EFCAB6: variants seen among roughly 807,000 people sequenced by gnomAD.
EFCAB6 encodes EF-hand calcium binding domain 6.
In EFCAB6, 156 loss-of-function variants were observed where a neutral mutation model predicts 169.8. The ratio of observed to expected loss-of-function variants is 0.92; its 90% confidence interval spans 0.81 to 1.05. EFCAB6 has a LOEUF of 1.05. EFCAB6 is among the 50% of genes least tolerant of loss of function. EFCAB6 has a pLI of 0.00. For missense variants in EFCAB6, 1,800 were observed against 1,829.1 expected (o/e 0.98, Z 0.29); for synonymous variants, 698 against 676.4 (o/e 1.03, Z -0.50).
intron 17 of EFCAB6, among the ~76,000 whole-genome samples, chr22:43,639,675 G>A (rs2055667037): frequency 6.6e-6 from 1 of 151,910 alleles, no homozygotes; most frequent in African/African-American, 2.4e-5. Flanking sequence ...TCTATATTAG[G>A]GCTTTTCACC....
chr22:43,590,329 G>C lies in EFCAB6; in HGVS notation c.2877-100C>G. On this transcript the variant is annotated intron_variant, in intron 23 of 31. Transcript: ENST00000262726. ...ATTATTCTAATGCAATGAGCTGATG[G>C]CTCATCTAAGAACTAATTTTGAAGA... is the stretch of plus-strand genomic sequence containing the variant. 3 of 1,372,248 alleles carry C rather than the reference G, an allele frequency of 2.2e-6. No homozygotes were observed. In the South Asian group the frequency reaches 4.9e-5, roughly 22 times the overall value. The allele number at this position is 1,372,248 out of a possible 1,614,324, so 85.0% of individuals were successfully genotyped here. A position where few individuals can be genotyped will look rare whatever the true frequency, so the allele number is the denominator to read the frequency against.
chr22:43,631,878 T>A (rs2054971351), intron 19 of EFCAB6, among the ~76,000 whole-genome samples: 1 of 150,814 alleles, frequency 6.6e-6, no homozygotes, highest in Admixed American at 6.6e-5. Context: ...AAGGGTCTCC[T>A]TAGCCTTCTG....
chr22:43,770,298 A>G (rs1312398670), intron 4 of EFCAB6, among the ~76,000 whole-genome samples: 2 of 152,262 alleles, frequency 1.3e-5, no homozygotes, highest in East Asian at 3.9e-4. Flanking sequence ...ACCACACCTG[A>G]CCTACTCACA....
chr22:43,792,997 C>T (rs538272281), intron 2 of EFCAB6, among the ~76,000 whole-genome samples: 11 of 152,220 alleles, frequency 7.2e-5, no homozygotes, highest in Non-Finnish European at 1.2e-4. Context: ...TGCACAGAAC[C>T]GTTCTCTTTA....
chr22:43,707,868 A>G (rs1231357350), intron 10 of EFCAB6, among the ~76,000 whole-genome samples: 1 of 152,166 alleles, frequency 6.6e-6, no homozygotes, highest in Non-Finnish European at 1.5e-5. Context: ...AACAACAGTG[A>G]TGAATGCAGG....
In EFCAB6 at chr22:43,682,428, T is replaced by C. The variant is rs182617646; in HGVS notation, c.1251+1319A>G. Among the ~76,000 whole-genome samples, 150 of 152,342 alleles carry C rather than the reference T, an allele frequency of 9.8e-4. 1 individual carries two copies. Among genetic ancestry groups the C allele is most frequent in the African/African-American group, 2.9e-3 (121 of 41,584 alleles). ...ATAGTTGGAGTGATTAGCATTATTG[T>C]ATAGTCCTCCATTAAAGGAAATGAA... is the stretch of plus-strand genomic sequence containing the variant. On this transcript the variant is annotated intron_variant, in intron 12 of 31. Coordinates refer to ENST00000262726, the MANE Select transcript of EFCAB6 (RefSeq NM_022785.4).
chr22:43,713,468 C>A (rs763530480), intron 9 of EFCAB6, among the ~76,000 whole-genome samples: 1 of 152,160 alleles, frequency 6.6e-6, no homozygotes, highest in South Asian at 2.1e-4. Context: ...CAGAAATGTA[C>A]AAGCTTAGCA....
At chr22:43,530,632 C>G in intron 31 of EFCAB6, 183 bp downstream of exon 31, 1 of 985,408 alleles carries the variant, frequency 1.0e-6, no homozygotes, top group Non-Finnish European at 1.2e-6. Flanking sequence ...AACCCGGGGT[C>G]TGAAGGTGAG....
At chr22:43,724,241 T>C (rs5764245) in intron 8 of EFCAB6, among the ~76,000 whole-genome samples, 15,941 of 152,258 alleles carry the variant, frequency 0.1, 885 homozygotes, top group East Asian at 0.2. Context: ...ATGGATACAA[T>C]GCAGCCAAGT....
chr22:43,733,500 T>G (rs896155427), intron 7 of EFCAB6, among the ~76,000 whole-genome samples: 27 of 152,130 alleles, frequency 1.8e-4, no homozygotes, highest in Non-Finnish European at 2.9e-4. Context: ...TGGTGGTAAT[T>G]GTATCTCTGG....
intron 2 of EFCAB6, among the ~76,000 whole-genome samples, chr22:43,784,367 A>C (rs553339491): frequency 1.3e-5 from 2 of 150,990 alleles, no homozygotes; most frequent in South Asian, 4.2e-4. Flanking sequence ...TCAGAAAGGC[A>C]AGGCAAGGTG....
Position 43,735,912 on chromosome 22 carries a change from G to A in EFCAB6, c.589C>T (p.Leu197=), listed in dbSNP as rs779520663. ...CAGAAGGTCTCCAGAACCCTTCTTA[G>A]CTCCTGCGGTCGAACCAGTCCAGTC... ...NKTGLVRPQE[L]RRVLETFCMK... The change falls in exon 7 of 32, where the codon CTA becomes TTA. Residue 197 remains leucine (L), a synonymous_variant. Transcript: ENST00000262726. 1.1e-5 allele frequency: 17 copies of A among 1,614,012 alleles called. No homozygotes were observed. Among genetic ancestry groups the A allele is most frequent in the Non-Finnish European group, 1.4e-5 (17 of 1,180,042 alleles).
chr22:43,545,688 C>G (rs1313582636), intron 27 of EFCAB6, among the ~76,000 whole-genome samples: 1 of 152,168 alleles, frequency 6.6e-6, no homozygotes, highest in African/African-American at 2.4e-5. Context: ...TGAGGAAAAC[C>G]TGCATGGCTC....
chr22:43,558,542 T>C (rs987559841), intron 26 of EFCAB6, among the ~76,000 whole-genome samples: 1 of 152,200 alleles, frequency 6.6e-6, no homozygotes, highest in Non-Finnish European at 1.5e-5. Flanking sequence ...TCATATCATG[T>C]CTCCATGTCA....
At chr22:43,580,761 G>T in intron 24 of EFCAB6, 102 bp from the exon 25 acceptor site, 2 of 1,293,604 alleles carry the variant, frequency 1.5e-6, no homozygotes, top group Non-Finnish European at 2.2e-6. Flanking sequence ...TGGGGAAAAT[G>T]AATAATTTTA....
intron 22 of EFCAB6, 46 bp downstream of exon 22, chr22:43,608,436 C>A: frequency 6.4e-7 from 1 of 1,568,868 alleles, no homozygotes; most frequent in Non-Finnish European, 8.8e-7. Flanking sequence ...AGCAAGCACC[C>A]CTAGTCCATA....
chr22:43,711,631 A>C lies in EFCAB6; in HGVS notation c.883-8T>G. On this transcript the variant is annotated splice_region_variant and splice_polypyrimidine_tract_variant and intron_variant, in intron 9 of 31. Coordinates refer to ENST00000262726, the MANE Select transcript of EFCAB6 (RefSeq NM_022785.4). ...TTCATAAGACTTCGAAAGCTGCAAT[A>C]AATTGAAATTAGAGTGTGGCGTTCA... The C allele has an allele frequency of 6.3e-7, 1 of 1,576,356 alleles. No individual in the cohort carries two copies. Among genetic ancestry groups the C allele is most frequent in the Non-Finnish European group, 8.5e-7 (1 of 1,170,666 alleles).
intron 10 of EFCAB6, among the ~76,000 whole-genome samples, chr22:43,702,011 G>A (rs964134673): frequency 7.2e-5 from 11 of 152,156 alleles, no homozygotes; most frequent in Non-Finnish European, 1.0e-4. Flanking sequence ...AACCAATGGG[G>A]GGGATGTGAA....
chr22:43,797,334 T>C (rs980124128), intron 2 of EFCAB6: 1 of 152,622 alleles, frequency 6.6e-6, no homozygotes, highest in South Asian at 2.1e-4. Flanking sequence ...AGATAAAATA[T>C]TTCTGACTTT....
Sources: gnomAD v4.1 joint callset for allele counts (sites outside exome capture counted in the v4.1 genomes callset) on GRCh38, gnomAD v4.1.1 for gene constraint, MANE v1.5 for transcripts, NCBI Gene and HGNC (gene_info 2026-07-23, HGNC 2026-07-21) for gene names.